Variants in RPL39L observed in about 807,000 individuals in gnomAD.
RPL39L encodes ribosomal protein L39 like.
For missense variants in RPL39L, 48 were observed against 58.9 expected, an observed-to-expected ratio of 0.81 and a Z score of 0.61; for synonymous variants, 16 against 20.1, an observed-to-expected ratio of 0.80 and a Z score of 0.55.
intron 2 of RPL39L, among the ~76,000 whole-genome samples, chr3:187,123,264 T>C (rs1347154710): frequency 1.3e-5 from 2 of 152,142 alleles, no homozygotes; most frequent in East Asian, 3.9e-4. Context: ...TGGGGTGTGG[T>C]TGAGATACAA....
chr3:187,134,885 A>G (rs545344143), intron 1 of RPL39L, among the ~76,000 whole-genome samples: 1 of 152,282 alleles, frequency 6.6e-6, no homozygotes, highest in South Asian at 2.1e-4. Context: ...GGATTCCCAA[A>G]TATTTTGCAT....
intron 1 of RPL39L, among the ~76,000 whole-genome samples, chr3:187,130,310 C>T (rs909547246): frequency 6.6e-6 from 1 of 152,208 alleles, no homozygotes; most frequent in Non-Finnish European, 1.5e-5. Flanking sequence ...ATCACAATTA[C>T]TTTTGCACCA....
At chr3:187,136,725 G>A (rs1350824272) in intron 1 of RPL39L, among the ~76,000 whole-genome samples, 1 of 152,124 alleles carries the variant, frequency 6.6e-6, no homozygotes. Context: ...TTTTGTAATA[G>A]TGTTTTCCCA....
At chr3:187,136,104 T>C (rs756743281) in intron 1 of RPL39L, among the ~76,000 whole-genome samples, 1 of 152,250 alleles carries the variant, frequency 6.6e-6, no homozygotes, top group African/African-American at 2.4e-5. Context: ...GATCGAGATA[T>C]TGGAGTCTGC....
At chr3:187,129,854 T>G (rs1199885217) in intron 1 of RPL39L, among the ~76,000 whole-genome samples, 1 of 151,688 alleles carries the variant, frequency 6.6e-6, no homozygotes, top group Admixed American at 6.6e-5. Flanking sequence ...TTTTTTTTTT[T>G]TTTTCTTTTT....
chr3:187,133,364 T>C (rs1485263022), intron 1 of RPL39L, among the ~76,000 whole-genome samples: 1 of 152,118 alleles, frequency 6.6e-6, no homozygotes. Context: ...GGTTTAAAAG[T>C]GGCACTTCCC....
intron 1 of RPL39L, among the ~76,000 whole-genome samples, chr3:187,137,198 CAAAAAAAAA>C (rs33967617): frequency 4.1e-3 from 153 of 37,640 alleles, no homozygotes; most frequent in Admixed American, 0.012. Context: ...CACTCTTCCT[CAAAAAAAAA>C]AAAAAAAAAA....
chr3:187,132,806 G>C (rs1401908661), intron 1 of RPL39L, among the ~76,000 whole-genome samples: 1 of 152,178 alleles, frequency 6.6e-6, no homozygotes, highest in Middle Eastern at 3.2e-3. Flanking sequence ...TTCCCAGTAT[G>C]AGAACTAAAA....
At chr3:187,134,515 T>TAAAAAAAAA (rs1720542003) in intron 1 of RPL39L, among the ~76,000 whole-genome samples, 1 of 137,112 alleles carries the variant, frequency 7.3e-6, no homozygotes, top group African/African-American at 3.3e-5. Context: ...AGACACAAAT[T>TAAAAAAAAA]ACCAACATCT....
intron 1 of RPL39L, among the ~76,000 whole-genome samples, chr3:187,132,639 G>A (rs907471047): frequency 6.6e-6 from 1 of 152,140 alleles, no homozygotes; most frequent in African/African-American, 2.4e-5. Flanking sequence ...AGCCACTTTT[G>A]TCCATATTCA....
At chr3:187,126,492 A>G (rs1424796591) in intron 2 of RPL39L, among the ~76,000 whole-genome samples, 1 of 151,914 alleles carries the variant, frequency 6.6e-6, no homozygotes, top group Non-Finnish European at 1.5e-5. Flanking sequence ...GTTTTGAAAA[A>G]CCACAGTATT....
chr3:187,123,937 T>TTTA (rs1237339188), intron 2 of RPL39L, among the ~76,000 whole-genome samples: 1 of 152,118 alleles, frequency 6.6e-6, no homozygotes, highest in Non-Finnish European at 1.5e-5. Flanking sequence ...CATGGAAACT[T>TTTA]TTAAAAAGAA....
At chr3:187,134,792 TC>T in intron 1 of RPL39L, among the ~76,000 whole-genome samples, 1 of 152,310 alleles carries the variant, frequency 6.6e-6, no homozygotes, top group African/African-American at 2.4e-5. Flanking sequence ...AAGCCAGAGA[TC>T]AGGACAAGAC....
Position 187,135,760 on chromosome 3 carries a change from T to C in RPL39L, c.-93+3453A>G, listed in dbSNP as rs191070762. Among the ~76,000 whole-genome samples the C allele has an allele frequency of 5.3e-5, 8 of 152,334 alleles. 1 individual carries two copies. The South Asian group carries it at 8.3e-4, about 16-fold the overall frequency. On this transcript the variant is annotated intron_variant, in intron 1 of 2. Coordinates refer to ENST00000296277, the MANE Select transcript of RPL39L (RefSeq NM_052969.3). ...TCCATTTTGCCTTGCTATAAAGGAA[T>C]ACCTGAGGCTGGGCAACTTATAACG...
intron 1 of RPL39L, among the ~76,000 whole-genome samples, chr3:187,130,920 T>C (rs1308322359): frequency 6.6e-6 from 1 of 152,216 alleles, no homozygotes; most frequent in Non-Finnish European, 1.5e-5. Flanking sequence ...ATGACATTTG[T>C]ATCAGATGGG....
chr3:187,136,430 T>C lies in RPL39L; in HGVS notation c.-93+2783A>G, dbSNP rs771089307. Among the ~76,000 whole-genome samples, 10 of 152,344 alleles carry C rather than the reference T, an allele frequency of 6.6e-5. No individual in the cohort carries two copies. The South Asian group carries it at 1.0e-3, about 16-fold the overall frequency. On this transcript the variant is annotated intron_variant, in intron 1 of 2. Transcript: ENST00000296277. ...AATCAAACAGCCAAAGCAGTAGAGA[T>C]AGGTCTGCCAGCAACTGAGTTGGTT...
chr3:187,123,341 C>T (rs375606769), intron 2 of RPL39L, among the ~76,000 whole-genome samples: 2 of 152,070 alleles, frequency 1.3e-5, no homozygotes, highest in Non-Finnish European at 2.9e-5. Context: ...CTACAGGTTA[C>T]GAGAATAACA....
chr3:187,127,526 G>A (rs932265909), intron 2 of RPL39L, among the ~76,000 whole-genome samples: 1 of 152,184 alleles, frequency 6.6e-6, no homozygotes, highest in Non-Finnish European at 1.5e-5. Context: ...AGCCTGGGTA[G>A]TTATTACACA....
chr3:187,122,832 G>A (rs1235196516), intron 2 of RPL39L, among the ~76,000 whole-genome samples: 2 of 152,172 alleles, frequency 1.3e-5, no homozygotes, highest in Non-Finnish European at 2.9e-5. Flanking sequence ...ATGAATAGCA[G>A]AGTAGATAAC....
Sources: allele counts gnomAD v4.1 joint callset (sites outside exome capture counted in the v4.1 genomes callset), GRCh38; gene constraint gnomAD v4.1.1; transcripts MANE v1.5; gene names NCBI Gene and HGNC (gene_info 2026-07-23, HGNC 2026-07-21).